Variants in TOM1 observed in about 807,000 individuals in gnomAD.
TOM1 encodes the protein target of Myb protein 1.
TOM1 carries 38 observed loss-of-function variants against 61.3 expected under a neutral mutation model. The ratio of observed to expected loss-of-function variants is 0.62; its 90% CI spans 0.48 to 0.81. The LOEUF (loss-of-function observed/expected upper bound fraction) is 0.81, where lower values mean the gene tolerates loss of function less well. Ranked by LOEUF, TOM1 falls within the 40% of genes least tolerant of loss-of-function variation. TOM1 has a pLI of 0.00. For synonymous variants in TOM1, 270 were observed against 268.8 expected (o/e 1.00, Z -0.04); for missense variants, 591 against 659.6 (o/e 0.90, Z 1.14).
At chr22:35,308,879 C>T (rs1270632982) in intron 1 of TOM1, among the ~76,000 whole-genome samples, 1 of 151,942 alleles carries the variant, frequency 6.6e-6, no homozygotes, top group Admixed American at 6.6e-5. Context: ...TTTAGGGTTT[C>T]TCTTGTGGTT....
chr22:35,308,291 C>CTT (rs575857676), intron 1 of TOM1, among the ~76,000 whole-genome samples: 4 of 89,636 alleles, frequency 4.5e-5, no homozygotes, highest in East Asian at 3.0e-4. Context: ...TTTTTTTTTT[C>CTT]TTTTTTTTTT....
chr22:35,337,129 G>T (rs897007791), intron 11 of TOM1, among the ~76,000 whole-genome samples: 11 of 152,018 alleles, frequency 7.2e-5, no homozygotes, highest in Admixed American at 6.6e-4. Context: ...GTAGAGACGG[G>T]GTTTCACCAT....
rs1396771583 is a variant in TOM1 at position 35,313,105 on chromosome 22, G to A, written c.53-4772G>A. ...CTCACACCTGTAATCCCAGCACTTT[G>A]GGAGGCCAAGGCGGGTGGATCACTT... On this transcript the variant is annotated intron_variant, in intron 1 of 14. Transcript: ENST00000449058. Among the ~76,000 whole-genome samples, 4 of 152,150 alleles carry A rather than the reference G, an allele frequency of 2.6e-5. No homozygotes were observed. The East Asian group carries it at 7.7e-4, about 29-fold the overall frequency.
intron 1 of TOM1, among the ~76,000 whole-genome samples, chr22:35,312,404 A>G (rs1322170565): frequency 2.0e-5 from 3 of 152,168 alleles, no homozygotes; most frequent in Non-Finnish European, 2.9e-5. Flanking sequence ...GTAAACCACC[A>G]CTGGGGCAGG....
At chr22:35,315,948 C>T (rs144828252) in intron 1 of TOM1, among the ~76,000 whole-genome samples, 389 of 152,306 alleles carry the variant, frequency 2.6e-3, no homozygotes, top group Non-Finnish European at 4.0e-3. Context: ...GTGTAGCAAG[C>T]GAAGAGTCAC....
chr22:35,333,754 C>T (rs1192479812), intron 10 of TOM1, among the ~76,000 whole-genome samples: 2 of 152,136 alleles, frequency 1.3e-5, no homozygotes, highest in African/African-American at 4.8e-5. Context: ...CTGAATTCTC[C>T]ATGGCTTCAA....
intron 9 of TOM1, 191 bp downstream of exon 9, chr22:35,333,205 C>T: frequency 1.3e-6 from 1 of 784,046 alleles, no homozygotes; most frequent in Non-Finnish European, 2.1e-6. Flanking sequence ...ACCTGATGCC[C>T]CAGGGTCTCC....
Position 35,299,901 on chromosome 22 carries a change from G to A in TOM1, c.-28G>A, listed in dbSNP as rs200751924. ...TGGCGGTTGCTGTCAGCTGATTCCC[G>A]GGGTTGGTGGCAGCGGCGGTAGCAG... On this transcript the variant is annotated 5_prime_UTR_variant, in exon 1 of 15. Coordinates refer to ENST00000449058, the MANE Select transcript of TOM1 (RefSeq NM_005488.3). The A allele has an allele frequency of 2.1e-3, 3,304 of 1,574,046 alleles. 65 individuals are homozygous for A. In the African/African-American group the frequency reaches 0.039, roughly 19 times the overall value.
intron 12 of TOM1, among the ~76,000 whole-genome samples, chr22:35,341,736 T>G (rs914008687): frequency 2.6e-5 from 4 of 152,156 alleles, no homozygotes; most frequent in African/African-American, 9.6e-5. Flanking sequence ...CCACACTACC[T>G]TGCAGCCCGC....
chr22:35,319,980 C>T (rs1032988396), intron 2 of TOM1, among the ~76,000 whole-genome samples: 1 of 152,258 alleles, frequency 6.6e-6, no homozygotes, highest in Non-Finnish European at 1.5e-5. Context: ...TCCAGGCTCT[C>T]CTGCCTTAGT....
chr22:35,308,933 G>A (rs1241152747), intron 1 of TOM1, among the ~76,000 whole-genome samples: 13 of 152,138 alleles, frequency 8.5e-5, no homozygotes, highest in Admixed American at 8.5e-4. Context: ...AGGGTTTTGA[G>A]GAAGGGTGGC....
rs776600278 is a variant in TOM1, at chr22:35,327,313, G to T, written c.691G>T (p.Val231Leu). 7.4e-6 allele frequency: 12 copies of T among 1,614,102 alleles called. No homozygotes were observed. In the East Asian group the frequency reaches 2.7e-4, roughly 36 times the overall value. ...RSELEMVSGN[V>L]RVMSEMLTEL... ...TGAGCTGGAGATGGTGAGTGGGAACGTGAGGGTGATGTCGGAGATGCTGAC... is the reference window on the plus strand; with the variant it reads ...TGAGCTGGAGATGGTGAGTGGGAACTTGAGGGTGATGTCGGAGATGCTGAC... Residue 231 changes from valine (V) to leucine (L), a missense_variant, in exon 7 of 15, where the codon GTG becomes TTG. Coordinates refer to ENST00000449058, the MANE Select transcript of TOM1 (RefSeq NM_005488.3).
chr22:35,347,442 A>C lies in TOM1; in HGVS notation c.*233A>C. On this transcript the variant is annotated 3_prime_UTR_variant, in exon 15 of 15. Coordinates refer to ENST00000449058, the MANE Select transcript of TOM1 (RefSeq NM_005488.3). Reference sequence around the variant, plus strand: ...ATCTGGCTGCTCTGCCTCCTTTCCCACCCCAGCTGACCATGAGACTTTGCT... The same window carrying C: ...ATCTGGCTGCTCTGCCTCCTTTCCCCCCCCAGCTGACCATGAGACTTTGCT... 3 of 433,568 alleles carry C rather than the reference A, an allele frequency of 6.9e-6. No homozygotes were observed. Among genetic ancestry groups the C allele is most frequent in the Non-Finnish European group, 1.2e-5 (3 of 245,004 alleles). The allele number at this position is 433,568 out of a possible 1,614,324, so 26.9% of individuals were successfully genotyped here. A position where few individuals can be genotyped will look rare whatever the true frequency, so the allele number is the denominator to read the frequency against.
At chr22:35,332,280 C>G (rs1337342521) in intron 8 of TOM1, among the ~76,000 whole-genome samples, 1 of 152,088 alleles carries the variant, frequency 6.6e-6, no homozygotes, top group Non-Finnish European at 1.5e-5. Context: ...GCAGCTGGTA[C>G]CCTCAGATAT....
At chr22:35,317,275 C>T (rs1400717658) in intron 1 of TOM1, among the ~76,000 whole-genome samples, 4 of 152,108 alleles carry the variant, frequency 2.6e-5, no homozygotes, top group South Asian at 4.1e-4. Flanking sequence ...TTGCAACCTC[C>T]GCCTCCTGGG....
In TOM1 at chr22:35,317,803, C is replaced by T. The variant is rs908303554; in HGVS notation, c.53-74C>T. 7.8e-5 allele frequency: 89 copies of T among 1,144,830 alleles called. No homozygotes were observed. In the East Asian group the frequency reaches 1.9e-3, roughly 24 times the overall value. 70.9% of individuals were successfully genotyped at this position (1,144,830 alleles called of 1,614,324 possible). Reference sequence around the variant, plus strand: ...ATCTCATCCGGCCCTGCACCCCCCTCCTCTCCCACCCACGGTTTGAGTTTA... The same window carrying T: ...ATCTCATCCGGCCCTGCACCCCCCTTCTCTCCCACCCACGGTTTGAGTTTA... On this transcript the variant is annotated intron_variant, in intron 1 of 14. Transcript: ENST00000449058.
chr22:35,311,904 C>T (rs933874346), intron 1 of TOM1, among the ~76,000 whole-genome samples: 1 of 152,106 alleles, frequency 6.6e-6, no homozygotes, highest in Admixed American at 6.5e-5. Flanking sequence ...AGGAGTGACA[C>T]GGTCTACCCA....
intron 1 of TOM1, among the ~76,000 whole-genome samples, chr22:35,300,469 C>T (rs994134350): frequency 6.6e-6 from 1 of 152,190 alleles, no homozygotes; most frequent in African/African-American, 2.4e-5. Flanking sequence ...GCCAACTGGC[C>T]AGAGGGGCCC....
Position 35,323,718 on chromosome 22 carries a change from G to C in TOM1, c.502-50G>C. 6.2e-7 allele frequency: 1 copy of C among 1,604,836 alleles called. No individual in the cohort carries two copies. The highest frequency in any genetic ancestry group is 8.5e-7 in the Non-Finnish European group (1 of 1,173,710). On this transcript the variant is annotated intron_variant, in intron 5 of 14. Transcript: ENST00000449058. This position sits in a 1 kb window ranked among gnomAD's most constrained non-coding sequence, Gnocchi z 4.2. ...ACCAGGCTGGCCCCTGACTTCCTGG[G>C]CTCTTGATGTTCCCAGGAGCCCTCA...
Sources: allele counts gnomAD v4.1 joint callset (sites outside exome capture counted in the v4.1 genomes callset), GRCh38; gene constraint gnomAD v4.1.1; non-coding constraint Gnocchi (gnomAD v3.1); transcripts MANE v1.5; gene names NCBI Gene and HGNC (gene_info 2026-07-23, HGNC 2026-07-21).